CCDC92: variants seen among roughly 807,000 people sequenced by gnomAD.
The protein encoded by CCDC92 is coiled-coil domain containing 92, also known as coiled-coil domain-containing protein 92.
In CCDC92, 12 loss-of-function variants were observed where a neutral mutation model predicts 24.9. That is an observed-to-expected ratio of 0.48 (90% CI 0.31 to 0.78). The LOEUF is 0.78. CCDC92 is among the 30% of genes least tolerant of loss of function. The pLI, the probability that CCDC92 is intolerant of heterozygous loss-of-function variation, is 0.05. For synonymous variants in CCDC92, 193 were observed against 196.3 expected, an observed-to-expected ratio of 0.98 and a Z score of 0.14; for missense variants, 399 against 439.4, an observed-to-expected ratio of 0.91 and a Z score of 0.82.
chr12:123,961,053 T>C (rs1298750147), intron 1 of CCDC92: 2 of 152,256 alleles, frequency 1.3e-5, no homozygotes, highest in African/African-American at 4.8e-5. Context: ...CTTGGGGATA[T>C]GAGACTCAGC....
chr12:123,943,758 G>T, intron 2 of CCDC92: 1 of 551,232 alleles, frequency 1.8e-6, no homozygotes, highest in Admixed American at 3.1e-5. Context: ...ATGAATGAGT[G>T]AGGCCCACTC....
intron 1 of CCDC92, 183 bp from the exon 2 acceptor site, chr12:123,944,547 C>T (rs1955787973): frequency 6.5e-6 from 3 of 460,010 alleles, no homozygotes; most frequent in Non-Finnish European, 1.1e-5. Context: ...GAGACACTGA[C>T]ACACCCAGGC....
chr12:123,965,727 G>C (rs1383184838), intron 1 of CCDC92, among the ~76,000 whole-genome samples: 1 of 152,236 alleles, frequency 6.6e-6, no homozygotes, highest in Non-Finnish European at 1.5e-5. Context: ...CCTCTTGGTA[G>C]CTCCAAAGTG....
chr12:123,949,484 G>T (rs1955968260), intron 1 of CCDC92, among the ~76,000 whole-genome samples: 1 of 152,204 alleles, frequency 6.6e-6, no homozygotes, highest in Admixed American at 6.5e-5. Flanking sequence ...TCAGGGCCTG[G>T]TCACGGCTGC....
rs1955519345 is a variant in CCDC92, at chr12:123,937,039, G to T, written c.*19C>A. 1 of 1,613,484 alleles carries T rather than the reference G, an allele frequency of 6.2e-7. No homozygotes were observed. The highest frequency in any genetic ancestry group is 1.3e-5 in the African/African-American group (1 of 75,034). ...GTGCTCACAGTGCATGGACAGCGCG[G>T]GGTGGGGCACGGCGGGCTTCACACA... On this transcript the variant is annotated 3_prime_UTR_variant, in exon 5 of 5. Coordinates refer to ENST00000238156, the MANE Select transcript of CCDC92 (RefSeq NM_025140.3). This position sits in a 1 kb window ranked among gnomAD's most constrained non-coding sequence, Gnocchi z 8.4.
At chr12:123,939,668 G>A (rs979086594) in intron 4 of CCDC92, among the ~76,000 whole-genome samples, 2 of 152,192 alleles carry the variant, frequency 1.3e-5, no homozygotes, top group African/African-American at 4.8e-5. Context: ...GTCAGCAAAT[G>A]ACCTCCCTAA....
intron 1 of CCDC92, among the ~76,000 whole-genome samples, chr12:123,956,738 G>C (rs1175033529): frequency 1.3e-5 from 2 of 152,152 alleles, no homozygotes; most frequent in Non-Finnish European, 2.9e-5. Context: ...GGCTGTCTTT[G>C]CAACCAAATT....
At chr12:123,963,167 C>G (rs1956313970) in intron 1 of CCDC92, among the ~76,000 whole-genome samples, 1 of 152,166 alleles carries the variant, frequency 6.6e-6, no homozygotes, top group South Asian at 2.1e-4. Flanking sequence ...GGCAATCTGG[C>G]CCCAAAGGTC....
At chr12:123,953,062 A>G (rs1956065136) in intron 1 of CCDC92, among the ~76,000 whole-genome samples, 1 of 152,174 alleles carries the variant, frequency 6.6e-6, no homozygotes, top group Admixed American at 6.5e-5. Flanking sequence ...TGTATAAAAC[A>G]TTTTGCAGTG....
intron 4 of CCDC92, among the ~76,000 whole-genome samples, chr12:123,938,866 T>C (rs1955603486): frequency 6.6e-6 from 1 of 152,076 alleles, no homozygotes; most frequent in African/African-American, 2.4e-5. Context: ...TGACTGTGCC[T>C]TTCTGCTGGC....
At chr12:123,968,981 C>A (rs1283562898) in intron 1 of CCDC92, among the ~76,000 whole-genome samples, 1 of 152,196 alleles carries the variant, frequency 6.6e-6, no homozygotes, top group Non-Finnish European at 1.5e-5. Flanking sequence ...TGACTTGCTG[C>A]ACTTCAATCC....
intron 1 of CCDC92, among the ~76,000 whole-genome samples, chr12:123,950,122 G>A (rs571327897): frequency 1.3e-5 from 2 of 152,338 alleles, no homozygotes; most frequent in African/African-American, 2.4e-5. Context: ...AAGCCTTGCC[G>A]CTTCTCCTAG....
chr12:123,937,069 T>C lies in CCDC92; in HGVS notation c.985A>G (p.Arg329Gly). 1 of 1,613,936 alleles carries C rather than the reference T, an allele frequency of 6.2e-7. No individual in the cohort carries two copies. Among genetic ancestry groups the C allele is most frequent in the Non-Finnish European group, 8.5e-7 (1 of 1,179,988 alleles). Reference protein sequence around the residue: ...KVVRKHSGTDRTV With the variant: ...KVVRKHSGTDGTV The stretch of plus-strand genomic sequence containing the variant: ...GGGCACGGCGGGCTTCACACAGTTC[T>C]GTCCGTCCCTGAGTGCTTCCTCACC... The change falls in exon 5 of 5, where the codon AGA becomes GGA. Residue 329 changes from arginine to glycine, a missense_variant. Arg to Gly is a moderately radical substitution (Grantham distance 125). Transcript: ENST00000238156. This position sits in a 1 kb window ranked among gnomAD's most constrained non-coding sequence, Gnocchi z 8.4.
At chr12:123,955,362 T>G (rs1041558528) in intron 1 of CCDC92, among the ~76,000 whole-genome samples, 2 of 152,246 alleles carry the variant, frequency 1.3e-5, no homozygotes, top group African/African-American at 4.8e-5. Context: ...TGTCTACTAG[T>G]TGATAACTAA....
In CCDC92 at chr12:123,937,157, G is replaced by C. The variant is rs1258667298; in HGVS notation, c.897C>G (p.Thr299=). Residue 299 remains threonine (T), a synonymous_variant, in exon 5 of 5, where the codon ACC becomes ACG. Coordinates refer to ENST00000238156, the MANE Select transcript of CCDC92 (RefSeq NM_025140.3). This position sits in a 1 kb window ranked among gnomAD's most constrained non-coding sequence, Gnocchi z 8.4. ...VGVAHRIHHA[T]PPQAQPEVKT... Reference sequence around the variant, plus strand: ...TCACCTCGGGCTGGGCCTGCGGCGGGGTGGCGTGGTGGATCCGATGTGCCA... The same window carrying C: ...TCACCTCGGGCTGGGCCTGCGGCGGCGTGGCGTGGTGGATCCGATGTGCCA... 6.2e-7 allele frequency: 1 copy of C among 1,611,350 alleles called. No homozygotes were observed. Among genetic ancestry groups the C allele is most frequent in the South Asian group, 1.1e-5 (1 of 91,042 alleles).
chr12:123,942,908 T>C, intron 3 of CCDC92, 123 bp from the exon 4 acceptor site: 1 of 799,130 alleles, frequency 1.3e-6, no homozygotes, highest in Non-Finnish European at 2.2e-6. Context: ...GAGCAGGGTT[T>C]GGCAGCAGGA....
chr12:123,951,417 G>A (rs1052671125), intron 1 of CCDC92, among the ~76,000 whole-genome samples: 2 of 152,146 alleles, frequency 1.3e-5, no homozygotes, highest in Non-Finnish European at 2.9e-5. Context: ...AAGAACAAAC[G>A]TTATCTTTTA....
At chr12:123,957,234 T>C (rs1466526822) in intron 1 of CCDC92, among the ~76,000 whole-genome samples, 1 of 152,224 alleles carries the variant, frequency 6.6e-6, no homozygotes, top group Non-Finnish European at 1.5e-5. Flanking sequence ...TCGAAATTCT[T>C]AGGTTGGATG....
At chr12:123,943,080 T>G (rs1382647367) in intron 3 of CCDC92, among the ~76,000 whole-genome samples, 1 of 152,168 alleles carries the variant, frequency 6.6e-6, no homozygotes, top group African/African-American at 2.4e-5. Flanking sequence ...TCACACAGGC[T>G]ATATCTTGGT....
Sources: gnomAD v4.1 joint callset for allele counts (sites outside exome capture counted in the v4.1 genomes callset) on GRCh38, gnomAD v4.1.1 for gene constraint, Gnocchi (gnomAD v3.1) non-coding constraint, MANE v1.5 for transcripts, NCBI Gene and HGNC (gene_info 2026-07-23, HGNC 2026-07-21) for gene names.